Variants in SASH1 observed in about 807,000 individuals in gnomAD.
SASH1 encodes the protein SAM and SH3 domain-containing protein 1.
Under a neutral mutation model 125.2 loss-of-function variants are expected in SASH1, and 44 were observed. That is an observed-to-expected ratio of 0.35 (90% CI 0.28 to 0.45). The LOEUF is 0.45. Among genes scored for constraint, SASH1 ranks in the 20% least tolerant of loss-of-function variants. The probability of loss-of-function intolerance (pLI) is 1.00; values close to 1 mark genes in which losing one functional copy is unlikely to be tolerated. For synonymous variants in SASH1, 639 were observed against 649.1 expected, an observed-to-expected ratio of 0.98 and a Z score of 0.24; for missense variants, 1,426 against 1,614.5, an observed-to-expected ratio of 0.88 and a Z score of 2.00.
chr6:148,517,341 C>T (rs1425426590), intron 9 of SASH1, among the ~76,000 whole-genome samples: 1 of 152,178 alleles, frequency 6.6e-6, no homozygotes, highest in Non-Finnish European at 1.5e-5. Context: ...CACAGCCTAC[C>T]TCTCTCCTCC....
chr6:148,322,132 T>C (rs1780648244), intron 1 of SASH1, among the ~76,000 whole-genome samples: 2 of 151,884 alleles, frequency 1.3e-5, no homozygotes, highest in South Asian at 4.2e-4. Context: ...AAGCAGATCA[T>C]TTGAGGTCAG....
chr6:148,525,214 G>A (rs1358063082), intron 10 of SASH1, 77 bp from the exon 11 acceptor site: 42 of 963,760 alleles, frequency 4.4e-5, no homozygotes, highest in Middle Eastern at 2.1e-4. Flanking sequence ...TCCTGCAAAC[G>A]GGGACTGCTG....
rs114958346 is a variant in SASH1, at chr6:148,459,040, C to T, written c.387-9505C>T. Among the ~76,000 whole-genome samples, 583 of 150,308 alleles carry T rather than the reference C, an allele frequency of 3.9e-3. 3 individuals carry two copies. The highest frequency in any genetic ancestry group is 0.013 in the African/African-American group (548 of 40,802). On this transcript the variant is annotated intron_variant, in intron 4 of 19. Coordinates refer to ENST00000367467, the MANE Select transcript of SASH1 (RefSeq NM_015278.5). ...CACACACACCCTCTAGCATATGTCA[C>T]GGGGATATTCTGAACATTAGTTATT...
In SASH1 at chr6:148,540,575, G is replaced by T; in HGVS notation, c.2209+19G>T. ...GAAAACGGTAATGTCAGCATGAGTC[G>T]CTGGGAACCTGCTTTGACAAGTACT... On this transcript the variant is annotated intron_variant, in intron 17 of 19. Transcript: ENST00000367467. 6.4e-7 allele frequency: 1 copy of T among 1,571,124 alleles called. No homozygotes were observed. Among genetic ancestry groups the T allele is most frequent in the Non-Finnish European group, 8.8e-7 (1 of 1,142,792 alleles).
chr6:148,405,486 C>A (rs1332981538), intron 2 of SASH1, among the ~76,000 whole-genome samples: 4 of 152,136 alleles, frequency 2.6e-5, no homozygotes, highest in African/African-American at 9.7e-5. Context: ...AATGAAGATA[C>A]CAAGGAACTA....
intron 4 of SASH1, among the ~76,000 whole-genome samples, chr6:148,453,804 G>A (rs1006700964): frequency 2.6e-5 from 4 of 152,234 alleles, no homozygotes; most frequent in Non-Finnish European, 5.9e-5. Flanking sequence ...GCAGAAGGAG[G>A]TATGGTGAAC....
chr6:148,228,594 A>G, the SASH1 span, among the ~76,000 whole-genome samples: 1 of 152,242 alleles, frequency 6.6e-6, no homozygotes, highest in Non-Finnish European at 1.5e-5. Context: ...GGGGAGGTGG[A>G]TAAGACTCCC....
intron 1 of SASH1, among the ~76,000 whole-genome samples, chr6:148,307,108 C>CTT (rs1780165113): frequency 1.5e-5 from 2 of 133,152 alleles, no homozygotes; most frequent in African/African-American, 5.8e-5. Context: ...CTCTCTCTGT[C>CTT]TCTTTCTTTC....
intron 1 of SASH1, among the ~76,000 whole-genome samples, chr6:148,372,811 T>C (rs1475819938): frequency 6.6e-6 from 1 of 152,176 alleles, no homozygotes; most frequent in Non-Finnish European, 1.5e-5. Context: ...TTTGCCCTCC[T>C]GGACTTGACA....
chr6:148,306,873 C>T (rs9390554), intron 1 of SASH1, among the ~76,000 whole-genome samples: 49,134 of 151,854 alleles, frequency 0.32, 8,782 homozygotes, highest in African/African-American at 0.48. Flanking sequence ...TAGGAACTCA[C>T]TCTGTGCAAT....
chr6:148,509,678 C>A (rs1207874946), intron 8 of SASH1, among the ~76,000 whole-genome samples: 1 of 152,220 alleles, frequency 6.6e-6, no homozygotes, highest in Non-Finnish European at 1.5e-5. Context: ...GTCCCAAGAA[C>A]TGTTTGTTAC....
At chr6:148,354,686 A>G (rs376899827) in intron 1 of SASH1, among the ~76,000 whole-genome samples, 74 of 152,334 alleles carry the variant, frequency 4.9e-4, no homozygotes, top group African/African-American at 1.7e-3. Context: ...CAGCGTGAAT[A>G]TGGCAGAAAA....
chr6:148,217,954 G>A, the SASH1 span, among the ~76,000 whole-genome samples: 1 of 151,280 alleles, frequency 6.6e-6, no homozygotes, highest in Admixed American at 6.6e-5. Context: ...GTTTGAGGCT[G>A]CAGTGTGCTA....
At chr6:148,234,751 C>T in the SASH1 span, among the ~76,000 whole-genome samples, 21 of 151,464 alleles carry the variant, frequency 1.4e-4, no homozygotes, top group African/African-American at 4.6e-4. Context: ...CGCTTGAACC[C>T]GGGAGGCGGA....
chr6:148,486,142 C>T (rs1009933091), intron 7 of SASH1, among the ~76,000 whole-genome samples: 9 of 152,244 alleles, frequency 5.9e-5, no homozygotes, highest in East Asian at 5.8e-4. Flanking sequence ...TTTCTTTCCT[C>T]GGAGTTTTGC....
chr6:148,308,175 G>A (rs1213712085), intron 1 of SASH1, among the ~76,000 whole-genome samples: 5 of 151,890 alleles, frequency 3.3e-5, no homozygotes, highest in Non-Finnish European at 2.9e-5. Flanking sequence ...GTTTGTGTAC[G>A]TGTGTGTATG....
At chr6:148,534,443 C>CTGTT (rs1781716728) in intron 15 of SASH1, among the ~76,000 whole-genome samples, 1 of 152,204 alleles carries the variant, frequency 6.6e-6, no homozygotes, top group Admixed American at 6.5e-5. Context: ...GGAGTCTCCT[C>CTGTT]TGTTGTGGGC....
intron 2 of SASH1, among the ~76,000 whole-genome samples, chr6:148,396,214 C>T (rs1458337798): frequency 6.6e-6 from 1 of 152,084 alleles, no homozygotes; most frequent in Non-Finnish European, 1.5e-5. Flanking sequence ...TGCAGTGGCT[C>T]ACACCTGTAA....
chr6:148,297,444 AT>A lies in SASH1; in HGVS notation n.74+25068del, dbSNP rs776001957. ...TTTGAAACTAGGATTGTAAAAAAAA[AT>A]ATGAGCCATCTAGTTTAATTTAGAT... On this transcript the variant is annotated intron_variant and non_coding_transcript_variant, in intron 1 of 3. Coordinates refer to the SASH1 transcript ENST00000367469. Among the ~76,000 whole-genome samples, 5 of 152,372 alleles carry A rather than the reference AT, an allele frequency of 3.3e-5. No homozygotes were observed. In the East Asian group the frequency reaches 5.8e-4, roughly 18 times the overall value.
Sources: gnomAD v4.1 joint callset for allele counts (sites outside exome capture counted in the v4.1 genomes callset) on GRCh38, gnomAD v4.1.1 for gene constraint, MANE v1.5 for transcripts, NCBI Gene and HGNC (gene_info 2026-07-23, HGNC 2026-07-21) for gene names.